The following EBPL variants were observed in gnomAD, a reference collection of about 807,000 sequenced individuals.
EBPL encodes the protein EBP like.
A neutral mutation model predicts 19.0 loss-of-function variants in EBPL; 20 were observed. The observed-to-expected ratio is 1.05, with a 90% CI of 0.74 to 1.53. The LOEUF (loss-of-function observed/expected upper bound fraction) is 1.53, where lower values mean the gene tolerates loss of function less well. EBPL is among the 40% of genes most tolerant of loss of function. EBPL has a pLI of 0.00. For missense variants in EBPL, 219 were observed against 261.1 expected, an observed-to-expected ratio of 0.84 and a Z score of 1.11; for synonymous variants, 107 against 117.0, an observed-to-expected ratio of 0.91 and a Z score of 0.55.
At chr13:49,661,935 A>T in intron 3 of EBPL, 1 of 1,548,118 alleles carries the variant, frequency 6.5e-7, no homozygotes. Context: ...TCCCTAAGGA[A>T]AGAAAAGGAA....
chr13:49,684,717 G>C (rs998988442), intron 1 of EBPL, among the ~76,000 whole-genome samples: 1 of 152,076 alleles, frequency 6.6e-6, no homozygotes, highest in Non-Finnish European at 1.5e-5. Flanking sequence ...GAGAAATACA[G>C]TAGCAATGAA....
intron 1 of EBPL, among the ~76,000 whole-genome samples, chr13:49,690,316 G>C (rs1380046546): frequency 6.6e-6 from 1 of 150,964 alleles, no homozygotes; most frequent in Non-Finnish European, 1.5e-5. Flanking sequence ...AACATTTACA[G>C]AACTCGATGA....
chr13:49,663,116 G>C lies in EBPL; in HGVS notation c.321C>G (p.Ala107=), dbSNP rs1261818790. ...GGAACAATGCCAGAGACCCATCCAG[G>C]GCGACGGTCAGAATTTCCACAGACA... ...TIVSVEILTV[A]LDGSLALFLI... Residue 107 remains alanine, a synonymous_variant, in exon 3 of 4, where the codon GCC becomes GCG. Transcript: ENST00000242827. The C allele has an allele frequency of 1.2e-6, 2 of 1,614,090 alleles. No individual in the cohort carries two copies. Among genetic ancestry groups the C allele is most frequent in the East Asian group, 2.2e-5 (1 of 44,882 alleles).
intron 1 of EBPL, among the ~76,000 whole-genome samples, chr13:49,674,984 T>G (rs1953860860): frequency 6.6e-6 from 1 of 152,232 alleles, no homozygotes; most frequent in Non-Finnish European, 1.5e-5. Flanking sequence ...ATTTCTTCCC[T>G]CTCTCAGCCC....
chr13:49,678,337 T>C (rs1953901188), intron 1 of EBPL, among the ~76,000 whole-genome samples: 1 of 152,198 alleles, frequency 6.6e-6, no homozygotes, highest in Admixed American at 6.5e-5. Flanking sequence ...GCGCCGGCAC[T>C]CCTCAGCCCT....
In EBPL at chr13:49,661,077, A is replaced by AAAAAC; in HGVS notation, c.507_511dup (p.Phe171CysfsTer10). The AAAAAC allele has an allele frequency of 1.2e-6, 2 of 1,614,170 alleles. No homozygotes were observed. The highest frequency in any genetic ancestry group is 1.7e-6 in the Non-Finnish European group (2 of 1,180,036). ...GATCAGAACCCACACACCGTTAAAAAAAAACAGGTAAAGCCAACAGTACAG... is the reference window on the plus strand; with the variant it reads ...GATCAGAACCCACACACCGTTAAAAAAAAACAAAACAGGTAAAGCCAACAGTACAG... On this transcript the variant is annotated frameshift_variant, in exon 4 of 4. Coordinates refer to ENST00000242827, the MANE Select transcript of EBPL (RefSeq NM_032565.5). LOFTEE classifies it high-confidence loss of function.
At position 49,670,964 on chromosome 13, in the gene EBPL, T is replaced by C. The variant is rs192180753; in HGVS notation, c.172-1118A>G. 2.0e-5 allele frequency among the ~76,000 whole-genome samples: 3 copies of C among 152,344 alleles called. No individual in the cohort carries two copies. In the East Asian group the frequency reaches 5.8e-4, roughly 29 times the overall value. ...TCTTGTTCTCTAAACATATTTGTTT[T>C]CCCTGTTTTATCTGTAACTGGATTC... is the stretch of plus-strand genomic sequence containing the variant. On this transcript the variant is annotated intron_variant, in intron 1 of 3. Coordinates refer to ENST00000242827, the MANE Select transcript of EBPL (RefSeq NM_032565.5).
intron 2 of EBPL, among the ~76,000 whole-genome samples, chr13:49,664,447 TCA>T (rs1965197542): frequency 6.6e-6 from 1 of 152,108 alleles, no homozygotes; most frequent in South Asian, 2.1e-4. Context: ...CAGTGTGCTC[TCA>T]GAGATCCATC....
At chr13:49,686,676 G>T in intron 1 of EBPL, 1 of 1,245,378 alleles carries the variant, frequency 8.0e-7, no homozygotes, top group Non-Finnish European at 1.0e-6. Flanking sequence ...AGCAAAAGCA[G>T]TCATACCTGG....
At chr13:49,677,205 T>C (rs557855023) in intron 1 of EBPL, among the ~76,000 whole-genome samples, 5 of 152,260 alleles carry the variant, frequency 3.3e-5, no homozygotes, top group South Asian at 4.1e-4. Context: ...AAGTAGGTAA[T>C]ACACCAGTAG....
intron 1 of EBPL, 37 bp downstream of exon 1, chr13:49,691,216 TG>T: frequency 7.7e-7 from 1 of 1,295,890 alleles, no homozygotes; most frequent in Non-Finnish European, 9.8e-7. Context: ...TCCCACTCTC[TG>T]GGATGGGGAG....
At chr13:49,690,023 G>A (rs1954042898) in intron 1 of EBPL, among the ~76,000 whole-genome samples, 3 of 151,920 alleles carry the variant, frequency 2.0e-5, no homozygotes, top group Admixed American at 1.3e-4. Context: ...GGTGACGGGC[G>A]CCCGTAATCC....
rs951966622 is a variant in EBPL, at chr13:49,685,928, C to T, written c.171+5326G>A. On this transcript the variant is annotated intron_variant, in intron 1 of 3. Transcript: ENST00000242827. ...GTGGCAGTGGGCAGTGAGGAACAGACGGTGATGTGAACTGGAGAAGGGTAA... is the reference window on the plus strand; with the variant it reads ...GTGGCAGTGGGCAGTGAGGAACAGATGGTGATGTGAACTGGAGAAGGGTAA... Among the ~76,000 whole-genome samples, 6 of 151,694 alleles carry T rather than the reference C, an allele frequency of 4.0e-5. No individual in the cohort carries two copies. In the East Asian group the frequency reaches 7.7e-4, roughly 20 times the overall value.
intron 3 of EBPL, chr13:49,662,014 G>C: frequency 7.9e-7 from 1 of 1,264,958 alleles, no homozygotes; most frequent in Non-Finnish European, 1.1e-6. Flanking sequence ...TTTTTTTTGA[G>C]ACAGAGTCTC....
In EBPL at chr13:49,663,114, A is replaced by G. The variant is rs1194384536; in HGVS notation, c.323T>C (p.Leu108Pro). The G allele has an allele frequency of 6.2e-6, 10 of 1,614,214 alleles. No homozygotes were observed. In the East Asian group the frequency reaches 1.8e-4, roughly 29 times the overall value. The stretch of plus-strand genomic sequence containing the variant: ...GAGGAACAATGCCAGAGACCCATCC[A>G]GGGCGACGGTCAGAATTTCCACAGA... ...IVSVEILTVALDGSLALFLIY... is the reference protein window; with the variant it reads ...IVSVEILTVAPDGSLALFLIY... Residue 108 changes from leucine (L) to proline (P), a missense_variant, in exon 3 of 4, where the codon CTG becomes CCG. Leu to Pro is a moderately conservative substitution (Grantham distance 98, BLOSUM62 -3). Around this residue, in one of 2 missense-constraint regions of EBPL, gnomAD observed 170 missense variants for 167.0 expected, o/e 1.02. Coordinates refer to ENST00000242827, the MANE Select transcript of EBPL (RefSeq NM_032565.5).
chr13:49,668,574 A>AAAAAAAAAG, intron 2 of EBPL: 1 of 428,900 alleles, frequency 2.3e-6, no homozygotes, highest in East Asian at 7.5e-5. Context: ...ACTCGCCTGA[A>AAAAAAAAAG]AAAAAAAAGA....
intron 2 of EBPL, chr13:49,668,572 G>GAA (rs562724684): frequency 1.3e-4 from 43 of 340,262 alleles, no homozygotes; most frequent in South Asian, 1.7e-4. Context: ...AGACTCGCCT[G>GAA]AAAAAAAAAA....
chr13:49,664,200 C>T (rs1282696401), intron 2 of EBPL, among the ~76,000 whole-genome samples: 7 of 152,178 alleles, frequency 4.6e-5, no homozygotes, highest in Non-Finnish European at 8.8e-5. Context: ...TGCAGTGAAC[C>T]GAGATCGCAC....
At chr13:49,680,755 G>A (rs1953933725) in intron 1 of EBPL, among the ~76,000 whole-genome samples, 5 of 152,138 alleles carry the variant, frequency 3.3e-5, no homozygotes, top group African/African-American at 1.2e-4. Flanking sequence ...CAGGGAGGCG[G>A]AGGTTGCAGT....
Sources: gnomAD v4.1 joint callset for allele counts (sites outside exome capture counted in the v4.1 genomes callset) on GRCh38, gnomAD v4.1.1 for gene constraint, gnomAD v4.1.1 regional missense constraint, MANE v1.5 for transcripts, NCBI Gene and HGNC (gene_info 2026-07-23, HGNC 2026-07-21) for gene names.